ADGRL3: variants seen among roughly 807,000 people sequenced by gnomAD.
ADGRL3 encodes the protein calcium-independent alpha-latrotoxin receptor 3.
In ADGRL3, 62 loss-of-function variants were observed where a neutral mutation model predicts 153.5. The ratio of observed to expected loss-of-function variants is 0.40; its 90% CI spans 0.33 to 0.50. ADGRL3 has a LOEUF of 0.50. Ranked by LOEUF, ADGRL3 falls within the 20% of genes least tolerant of loss-of-function variation. The probability of loss-of-function intolerance (pLI) is 0.47; values close to 1 mark genes in which losing one functional copy is unlikely to be tolerated. For synonymous variants in ADGRL3, 710 were observed against 672.5 expected, an observed-to-expected ratio of 1.06 and a Z score of -0.86; for missense variants, 1,641 against 1,859.4, an observed-to-expected ratio of 0.88 and a Z score of 2.16.
intron 21 of ADGRL3, among the ~76,000 whole-genome samples, chr4:62,026,230 A>T (rs1581943967): frequency 6.6e-6 from 1 of 152,142 alleles, no homozygotes; most frequent in African/African-American, 2.4e-5. Context: ...GGCAGTCTAA[A>T]CCTAATATTT....
At chr4:61,421,310 G>A (rs921126791) in intron 2 of ADGRL3, among the ~76,000 whole-genome samples, 2 of 151,934 alleles carry the variant, frequency 1.3e-5, no homozygotes, top group African/African-American at 4.8e-5. Context: ...CTCCAGCCTG[G>A]GCGACAGAGC....
chr4:61,495,154 A>T (rs577320019), intron 2 of ADGRL3, among the ~76,000 whole-genome samples: 1 of 152,276 alleles, frequency 6.6e-6, no homozygotes, highest in Non-Finnish European at 1.5e-5. Flanking sequence ...TGCCCAACGT[A>T]GTAGAACAGT....
chr4:61,200,385 C>A lies in ADGRL3; in HGVS notation c.-1620C>A, dbSNP rs1308113259. Among the ~76,000 whole-genome samples the A allele has an allele frequency of 4.6e-5, 7 of 151,802 alleles. No individual in the cohort carries two copies. Among genetic ancestry groups the A allele is most frequent in the Non-Finnish European group, 1.0e-4 (7 of 67,926 alleles). ...CCCCGCGCGCAGGCTGCACGGTCCC[C>A]GCGCGCCCGCGCTCTGACCCGCTGT... On this transcript the variant is annotated 5_prime_UTR_variant, in exon 1 of 27. Coordinates refer to ENST00000683033, the MANE Select transcript of ADGRL3 (RefSeq NM_001387552.1).
At chr4:61,826,379 T>A (rs1220717488) in intron 9 of ADGRL3, among the ~76,000 whole-genome samples, 1 of 152,190 alleles carries the variant, frequency 6.6e-6, no homozygotes, top group Non-Finnish European at 1.5e-5. Context: ...TGCCAGGCAT[T>A]TGTGGGATTG....
intron 9 of ADGRL3, among the ~76,000 whole-genome samples, chr4:61,879,067 G>C (rs1327125092): frequency 6.6e-6 from 1 of 152,006 alleles, no homozygotes; most frequent in Non-Finnish European, 1.5e-5. Context: ...TCATAGAGTA[G>C]GCAAGAGAAT....
chr4:62,004,790 T>G (rs1399775693), intron 21 of ADGRL3, among the ~76,000 whole-genome samples: 1 of 152,082 alleles, frequency 6.6e-6, no homozygotes, highest in South Asian at 2.1e-4. Context: ...TTTTAAGAAT[T>G]AGCTAGAAAA....
intron 1 of ADGRL3, among the ~76,000 whole-genome samples, chr4:61,280,675 G>A (rs1546379): frequency 0.82 from 124,036 of 152,066 alleles, 50,798 homozygotes; most frequent in Admixed American, 0.87. Context: ...TTATTTAATG[G>A]TTAAAAATGT....
At chr4:61,443,374 G>T (rs1019632423) in intron 2 of ADGRL3, among the ~76,000 whole-genome samples, 5 of 151,770 alleles carry the variant, frequency 3.3e-5, no homozygotes, top group Admixed American at 6.6e-5. Flanking sequence ...TCAATTAGAG[G>T]CATGTTCTTT....
rs773703422 is a variant in ADGRL3, at chr4:61,892,753, A to C, written c.1578A>C (p.Ser526=). The change falls in exon 10 of 27, where the codon TCA becomes TCC. Residue 526 remains serine, a synonymous_variant. Transcript: ENST00000683033. ...TLSPGRSTTP[S]VSGRRNRSTS... ...GCCCAGGAAGGAGTACCACCCCGTCAGTGTCAGGAAGAAGAAACCGGAGTA... is the reference window on the plus strand; with the variant it reads ...GCCCAGGAAGGAGTACCACCCCGTCCGTGTCAGGAAGAAGAAACCGGAGTA... 6.2e-7 allele frequency: 1 copy of C among 1,613,924 alleles called. No homozygotes were observed. The highest frequency in any genetic ancestry group is 8.5e-7 in the Non-Finnish European group (1 of 1,179,850).
chr4:61,584,846 A>G (rs1485738383), intron 4 of ADGRL3, among the ~76,000 whole-genome samples: 2 of 152,024 alleles, frequency 1.3e-5, no homozygotes, highest in Admixed American at 1.3e-4. Flanking sequence ...ATTCTATTAT[A>G]TAAGACTTTA....
intron 1 of ADGRL3, among the ~76,000 whole-genome samples, chr4:61,255,033 T>G (rs552614744): frequency 6.6e-6 from 1 of 152,286 alleles, no homozygotes; most frequent in Non-Finnish European, 1.5e-5. Context: ...ATGGATAATG[T>G]ACACAAACTA....
At chr4:61,382,576 G>A (rs918145670) in intron 1 of ADGRL3, among the ~76,000 whole-genome samples, 1 of 151,380 alleles carries the variant, frequency 6.6e-6, no homozygotes, top group African/African-American at 2.4e-5. Flanking sequence ...TTACATTTCT[G>A]TTTATTTCTT....
rs1022009866 is a variant in ADGRL3 at position 61,706,424 on chromosome 4, T to C, written c.584-24198T>C. Among the ~76,000 whole-genome samples the C allele has an allele frequency of 4.1e-5, 3 of 72,790 alleles. No homozygotes were observed. In the Admixed American group the frequency reaches 4.8e-4, roughly 12 times the overall value. 47.8% of individuals were successfully genotyped at this position (72,790 alleles called of 152,430 possible). On this transcript the variant is annotated intron_variant, in intron 6 of 26. Coordinates refer to ENST00000683033, the MANE Select transcript of ADGRL3 (RefSeq NM_001387552.1). ...GTGGGTGACAGAGTGAGACTCCCTC[T>C]CAAAAAAAAAAAAAAAAGGCTGTTC...
At chr4:61,376,007 C>G (rs2096598412) in intron 1 of ADGRL3, among the ~76,000 whole-genome samples, 3 of 152,176 alleles carry the variant, frequency 2.0e-5, no homozygotes, top group Admixed American at 2.0e-4. Flanking sequence ...TGAAGTTGAA[C>G]AAATGAACAT....
At position 61,889,978 on chromosome 4, in the gene ADGRL3, G is replaced by A. The variant is rs533325971; in HGVS notation, c.1481-2678G>A. On this transcript the variant is annotated intron_variant, in intron 9 of 26. Transcript: ENST00000683033. ...ATTCATCAGTACCTACATAATCCTCGAGAAGGGAAAGAAGACAATTGAAAA... is the reference window on the plus strand; with the variant it reads ...ATTCATCAGTACCTACATAATCCTCAAGAAGGGAAAGAAGACAATTGAAAA... Among the ~76,000 whole-genome samples, 7 of 152,076 alleles carry A rather than the reference G, an allele frequency of 4.6e-5. No homozygotes were observed. The South Asian group carries it at 1.0e-3, about 22-fold the overall frequency.
At chr4:61,643,492 G>T (rs2093793648) in intron 5 of ADGRL3, among the ~76,000 whole-genome samples, 1 of 151,720 alleles carries the variant, frequency 6.6e-6, no homozygotes, top group South Asian at 2.1e-4. Flanking sequence ...AGAGTTTTTA[G>T]CATGAAGGGT....
intron 21 of ADGRL3, among the ~76,000 whole-genome samples, chr4:62,006,309 C>CA (rs1553908179): frequency 6.6e-6 from 1 of 151,440 alleles, no homozygotes; most frequent in Non-Finnish European, 1.5e-5. Flanking sequence ...GTGCCTGAGC[C>CA]GCGGAGCCCA....
chr4:61,307,843 A>G (rs1172151987), intron 1 of ADGRL3, among the ~76,000 whole-genome samples: 1 of 152,202 alleles, frequency 6.6e-6, no homozygotes, highest in East Asian at 1.9e-4. Flanking sequence ...TGTTGGTTGG[A>G]GGCTGAATAG....
chr4:61,757,896 A>G, intron 8 of ADGRL3, among the ~76,000 whole-genome samples: 1 of 152,138 alleles, frequency 6.6e-6, no homozygotes, highest in African/African-American at 2.4e-5. Flanking sequence ...GTCATTCAGG[A>G]GCAGGTTGCT....
Sources: gnomAD v4.1 joint callset for allele counts (sites outside exome capture counted in the v4.1 genomes callset) on GRCh38, gnomAD v4.1.1 for gene constraint, MANE v1.5 for transcripts, NCBI Gene and HGNC (gene_info 2026-07-23, HGNC 2026-07-21) for gene names.